Variants in PROCA1 observed in about 807,000 individuals in gnomAD.
PROCA1 encodes the protein protein interacting with cyclin A1.
PROCA1 carries 22 observed loss-of-function variants against 23.2 expected under a neutral mutation model. The ratio of observed to expected loss-of-function variants is 0.95; its 90% confidence interval spans 0.68 to 1.35. The LOEUF is 1.35. PROCA1 is among the 40% of genes most tolerant of loss of function. PROCA1 has a pLI of 0.00. For synonymous variants in PROCA1, 182 were observed against 179.2 expected, an observed-to-expected ratio of 1.02 and a Z score of -0.12; for missense variants, 469 against 459.8, an observed-to-expected ratio of 1.02 and a Z score of -0.18.
chr17:28,703,858 A>AC lies in PROCA1; in HGVS notation c.794_795insG (p.Lys266Ter). On this transcript the variant is annotated frameshift_variant, in exon 5 of 5. Transcript: ENST00000682792. LOFTEE classifies it high-confidence loss of function. ...CCAATTTAACCGGGCTTTTCTTCTT[A>AC]GTCAACTGGCCTTTCTTGGCTTTTT... 6.2e-7 allele frequency: 1 copy of AC among 1,614,042 alleles called. No individual in the cohort carries two copies. Among genetic ancestry groups the AC allele is most frequent in the South Asian group, 1.1e-5 (1 of 91,074 alleles).
In PROCA1 at chr17:28,703,309, C is replaced by T. The variant is rs956718116; in HGVS notation, c.*249G>A. ...CAGCAGAGAGGGGAAGCCCTCCTTCCCACCCCAGATACACTCTTCCACCTT... is the reference window on the plus strand; with the variant it reads ...CAGCAGAGAGGGGAAGCCCTCCTTCTCACCCCAGATACACTCTTCCACCTT... On this transcript the variant is annotated 3_prime_UTR_variant, in exon 5 of 5. Transcript: ENST00000682792. The T allele has an allele frequency of 7.7e-6, 4 of 517,446 alleles. No individual in the cohort carries two copies. The highest frequency in any genetic ancestry group is 5.7e-5 in the African/African-American group (3 of 52,332). 32.1% of individuals were successfully genotyped at this position (517,446 alleles called of 1,614,324 possible).
At position 28,710,422 on chromosome 17, in the gene PROCA1, G is replaced by A. The variant is rs568464467; in HGVS notation, c.91+1148C>T. 3.0e-3 allele frequency among the ~76,000 whole-genome samples: 438 copies of A among 146,480 alleles called. 6 individuals carry two copies. Among genetic ancestry groups the A allele is most frequent in the South Asian group, 0.025 (113 of 4,566 alleles). On this transcript the variant is annotated intron_variant, in intron 1 of 4. Transcript: ENST00000682792. ...CTCAGGAGGCTGAGGCAGGAGAATT[G>A]TTTGAACCCGGGAGGTGGAGTTTGC...
intron 1 of PROCA1, 76 bp downstream of exon 1, chr17:28,711,473 CGTCTCCCTCGTCGGTTTGCCG>C (rs2032781446): frequency 9.8e-7 from 1 of 1,016,688 alleles, no homozygotes; most frequent in Non-Finnish European, 1.4e-6. Context: ...TTGGTTTGCC[CGTCTCCCTCGTCGGTTTGCCG>C]GCTTCCCGCG....
In PROCA1 at chr17:28,703,333, T is replaced by C; in HGVS notation, c.*225A>G. On this transcript the variant is annotated 3_prime_UTR_variant, in exon 5 of 5. Transcript: ENST00000682792. ...CCCACCCCAGATACACTCTTCCACC[T>C]TGTCCTAGCAGGTAGGAAGAAATAG... 1 of 569,840 alleles carries C rather than the reference T, an allele frequency of 1.8e-6. No homozygotes were observed. The highest frequency in any genetic ancestry group is 2.3e-5 in the South Asian group (1 of 43,892). The allele number at this position is 569,840 out of a possible 1,614,324, so 35.3% of individuals were successfully genotyped here.
At position 28,703,447 on chromosome 17, in the gene PROCA1, T is replaced by G; in HGVS notation, c.*111A>C. 2.5e-6 allele frequency: 3 copies of G among 1,181,372 alleles called. No individual in the cohort carries two copies. Among genetic ancestry groups the G allele is most frequent in the Non-Finnish European group, 3.6e-6 (3 of 836,576 alleles). 73.2% of individuals were successfully genotyped at this position (1,181,372 alleles called of 1,614,324 possible). Reference sequence around the variant, plus strand: ...TGCCTTTGAGAAACCCCTGCAGCCCTGAGCCCACCCCTTGCCCCGCAAGAA... The same window carrying G: ...TGCCTTTGAGAAACCCCTGCAGCCCGGAGCCCACCCCTTGCCCCGCAAGAA... On this transcript the variant is annotated 3_prime_UTR_variant, in exon 5 of 5. Coordinates refer to ENST00000682792, the MANE Select transcript of PROCA1 (RefSeq NM_001366301.1).
rs138791051 is a variant in PROCA1 at position 28,704,342 on chromosome 17, C to T, written c.405G>A (p.Pro135=). Residue 135 remains proline, a synonymous_variant, in exon 4 of 5, where the codon CCG becomes CCA. Coordinates refer to ENST00000682792, the MANE Select transcript of PROCA1 (RefSeq NM_001366301.1). ...GGAATCGCTCCACATGCTCCTCCTC[C>T]GGTGTGAGCTCAAAGCAAGGGGACT... is the stretch of plus-strand genomic sequence containing the variant. ...VIESPCFELT[P]EEEHVERFRY... 202 of 1,613,982 alleles carry T rather than the reference C, an allele frequency of 1.3e-4. No individual in the cohort carries two copies. Among genetic ancestry groups the T allele is most frequent in the Non-Finnish European group, 1.6e-4 (185 of 1,179,994 alleles).
intron 1 of PROCA1, chr17:28,707,046 C>G: frequency 3.0e-6 from 1 of 328,498 alleles, no homozygotes; most frequent in Non-Finnish European, 6.1e-6. Flanking sequence ...GGGCCACCTA[C>G]CAGGACTGGA....
intron 1 of PROCA1, among the ~76,000 whole-genome samples, chr17:28,710,334 TAAAAATAAAA>T (rs1294374826): frequency 6.6e-6 from 1 of 150,618 alleles, no homozygotes; most frequent in Non-Finnish European, 1.5e-5. Context: ...CCGTCTCTAC[TAAAAATAAAA>T]AAAAATAAAA....
At chr17:28,711,216 A>T in intron 1 of PROCA1, 1 of 1,096,308 alleles carries the variant, frequency 9.1e-7, no homozygotes, top group Non-Finnish European at 1.2e-6. Context: ...GCGCTGGTCC[A>T]CGGGCTCCAG....
Position 28,711,775 on chromosome 17 carries a change from G to T in PROCA1, c.-115C>A. On this transcript the variant is annotated 5_prime_UTR_variant, in exon 1 of 5. Transcript: ENST00000682792. Reference sequence around the variant, plus strand: ...GAACTCCAGTCTCGGCTTCGCCCCCGCCTAGCCCCTAACCCCGCCTCATGC... The same window carrying T: ...GAACTCCAGTCTCGGCTTCGCCCCCTCCTAGCCCCTAACCCCGCCTCATGC... The T allele has an allele frequency of 1.2e-6, 1 of 847,644 alleles. No homozygotes were observed. The highest frequency in any genetic ancestry group is 1.7e-6 in the Non-Finnish European group (1 of 580,264). The allele number at this position is 847,644 out of a possible 1,614,324, so 52.5% of individuals were successfully genotyped here.
In PROCA1 at chr17:28,711,675, G is replaced by A. The variant is rs1597744630; in HGVS notation, c.-15C>T. The A allele has an allele frequency of 6.2e-7, 1 of 1,609,780 alleles. No individual in the cohort carries two copies. Among genetic ancestry groups the A allele is most frequent in the Non-Finnish European group, 8.5e-7 (1 of 1,177,976 alleles). On this transcript the variant is annotated 5_prime_UTR_variant, in exon 1 of 5. Transcript: ENST00000682792. ...CTGACCCACATCGCTCTCCGCCCAG[G>A]TCTTCGTCTCTACAGGACTCTTGCG...
chr17:28,704,173 G>T lies in PROCA1; in HGVS notation c.480C>A (p.His160Gln), dbSNP rs1342521060. 1 of 1,542,320 alleles carries T rather than the reference G, an allele frequency of 6.5e-7. No individual in the cohort carries two copies. The highest frequency in any genetic ancestry group is 1.3e-5 in the South Asian group (1 of 79,316). Residue 160 changes from histidine (H) to glutamine (Q), a missense_variant, in exon 5 of 5, where the codon CAC (histidine) becomes CAA (glutamine). Transcript: ENST00000682792. The part of the protein sequence containing the change: ...SYRPVSVAVI[H>Q]HPLYHECGAD... The stretch of plus-strand genomic sequence containing the variant: ...CCCCACACTCATGGTAGAGTGGATG[G>T]TGGATCACTGCCACAGAGACAGGTC...
intron 1 of PROCA1, chr17:28,711,243 A>C: frequency 1.1e-6 from 1 of 913,794 alleles, no homozygotes; most frequent in Non-Finnish European, 1.5e-6. Context: ...CCGGCGCTTC[A>C]AGGGCAGCGG....
chr17:28,711,466 G>T, intron 1 of PROCA1, 104 bp downstream of exon 1: 2 of 971,430 alleles, frequency 2.1e-6, no homozygotes, highest in South Asian at 1.6e-5. Context: ...TCTCTCGTTG[G>T]TTTGCCCGTC....
Position 28,703,318 on chromosome 17 carries a change from A to C in PROCA1, c.*240T>G, listed in dbSNP as rs2032216121. 1 of 539,804 alleles carries C rather than the reference A, an allele frequency of 1.9e-6. No homozygotes were observed. The highest frequency in any genetic ancestry group is 3.3e-6 in the Non-Finnish European group (1 of 306,038). 33.4% of individuals were successfully genotyped at this position (539,804 alleles called of 1,614,324 possible). ...GGGGAAGCCCTCCTTCCCACCCCAG[A>C]TACACTCTTCCACCTTGTCCTAGCA... is the stretch of plus-strand genomic sequence containing the variant. On this transcript the variant is annotated 3_prime_UTR_variant, in exon 5 of 5. Coordinates refer to ENST00000682792, the MANE Select transcript of PROCA1 (RefSeq NM_001366301.1).
At chr17:28,710,628 A>C (rs2032735817) in intron 1 of PROCA1, among the ~76,000 whole-genome samples, 1 of 151,826 alleles carries the variant, frequency 6.6e-6, no homozygotes, top group Non-Finnish European at 1.5e-5. Flanking sequence ...CGAGGGGAGG[A>C]AGGACAAAGG....
intron 1 of PROCA1, chr17:28,710,955 C>T: frequency 2.0e-6 from 2 of 981,112 alleles, no homozygotes; most frequent in Non-Finnish European, 2.6e-6. Context: ...GGGTGGGCAC[C>T]AGAGCAGCCG....
At chr17:28,706,121 G>T in intron 2 of PROCA1, 1 of 155,190 alleles carries the variant, frequency 6.4e-6, no homozygotes, top group Non-Finnish European at 1.4e-5. Flanking sequence ...CTACACTGCT[G>T]ACCCATGGGT....
chr17:28,704,464 T>G (rs1186750564), intron 3 of PROCA1, 29 bp from the exon 4 acceptor site: 1 of 1,598,024 alleles, frequency 6.3e-7, no homozygotes, highest in African/African-American at 1.3e-5. Context: ...TCAGCCTGGC[T>G]CCCATCACTC....
Sources: allele counts gnomAD v4.1 joint callset (sites outside exome capture counted in the v4.1 genomes callset), GRCh38; gene constraint gnomAD v4.1.1; transcripts MANE v1.5; gene names NCBI Gene and HGNC (gene_info 2026-07-23, HGNC 2026-07-21).